GFM1: variants seen among roughly 807,000 people sequenced by gnomAD.
GFM1 encodes the protein G elongation factor mitochondrial 1.
A neutral mutation model predicts 96.2 loss-of-function variants in GFM1; 62 were observed. The observed-to-expected ratio is 0.64, with a 90% CI of 0.53 to 0.80. The LOEUF is 0.80. Among genes scored for constraint, GFM1 ranks in the 30% least tolerant of loss-of-function variants. GFM1 has a pLI of 0.00. For synonymous variants in GFM1, 282 were observed against 312.9 expected, an observed-to-expected ratio of 0.90 and a Z score of 1.04; for missense variants, 852 against 916.6, an observed-to-expected ratio of 0.93 and a Z score of 0.91.
chr3:158,659,852 G>C (rs1413430534), intron 9 of GFM1, among the ~76,000 whole-genome samples: 1 of 152,202 alleles, frequency 6.6e-6, no homozygotes, highest in Non-Finnish European at 1.5e-5. Context: ...CGACAGCGTT[G>C]CTGTTTTGTG....
intron 4 of GFM1, among the ~76,000 whole-genome samples, chr3:158,647,774 T>C (rs1263039729): frequency 6.6e-6 from 1 of 152,196 alleles, no homozygotes; most frequent in Non-Finnish European, 1.5e-5. Flanking sequence ...TGGTCTTTTT[T>C]CCCCAAATCT....
At chr3:158,646,657 G>A in intron 3 of GFM1, 86 bp from the exon 4 acceptor site, 1 of 1,099,078 alleles carries the variant, frequency 9.1e-7, no homozygotes, top group Non-Finnish European at 1.4e-6. Context: ...CTTATGTGAT[G>A]AGCAGAGATA....
chr3:158,657,178 G>T (rs1217836353), intron 8 of GFM1: 1 of 152,012 alleles, frequency 6.6e-6, no homozygotes, highest in South Asian at 2.1e-4. Context: ...ATATTTTACA[G>T]TATATTTATT....
In GFM1 at chr3:158,694,205, T is replaced by C. The variant is rs922244618; in HGVS notation, c.*2738T>C. ...AAATGCCTATCACTGATAGACTGGA[T>C]AAAGAAAATGTGGTACATACACATT... On this transcript the variant is annotated 3_prime_UTR_variant, in exon 18 of 18. Transcript: ENST00000486715. Among the ~76,000 whole-genome samples the C allele has an allele frequency of 5.3e-5, 8 of 151,940 alleles. No homozygotes were observed. The highest frequency in any genetic ancestry group is 1.5e-4 in the African/African-American group (6 of 41,348).
At position 158,691,631 on chromosome 3, in the gene GFM1, C is replaced by A. The variant is rs924668466; in HGVS notation, c.*164C>A. On this transcript the variant is annotated 3_prime_UTR_variant, in exon 18 of 18. Coordinates refer to ENST00000486715, the MANE Select transcript of GFM1 (RefSeq NM_024996.7). ...AGCCCTTCTTGTTCATATTCAGGAG[C>A]TTCTGTTATATTCAAAGGTAATTCT... is the stretch of plus-strand genomic sequence containing the variant. 54 of 656,826 alleles carry A rather than the reference C, an allele frequency of 8.2e-5. No individual in the cohort carries two copies. In the Middle Eastern group the frequency reaches 1.7e-3, roughly 21 times the overall value. 40.7% of individuals were successfully genotyped at this position (656,826 alleles called of 1,614,324 possible).
intron 11 of GFM1, 123 bp downstream of exon 11, chr3:158,662,807 T>A: frequency 1.4e-6 from 1 of 728,726 alleles, no homozygotes; most frequent in African/African-American, 1.8e-5. Context: ...TTTCCTCTGT[T>A]GGTATTGAGA....
At chr3:158,677,140 A>G (rs1395182627) in intron 13 of GFM1, among the ~76,000 whole-genome samples, 1 of 152,138 alleles carries the variant, frequency 6.6e-6, no homozygotes, top group Non-Finnish European at 1.5e-5. Flanking sequence ...ATGTTATTGT[A>G]ATTTATTTTG....
rs62288347 is a variant in GFM1 at position 158,690,243 on chromosome 3, G to A, written c.1990G>A (p.Val664Ile). 0.017 allele frequency: 28,183 copies of A among 1,613,648 alleles called. 331 individuals are homozygous for A. The highest frequency in any genetic ancestry group is 0.019 in the Non-Finnish European group (22,115 of 1,179,712). The change falls in exon 16 of 18, where the codon GTA becomes ATA. Residue 664 changes from valine (V) to isoleucine (I), a missense_variant. Transcript: ENST00000486715. ...AGCTCCAAATGAATTTCAGGGACAA[G>A]TAATTGCAGGAATTAACCGACGCCA... The part of the protein sequence containing the change: ...VVAPNEFQGQ[V>I]IAGINRRHGV...
chr3:158,685,583 G>A (rs62288307), intron 15 of GFM1, among the ~76,000 whole-genome samples: 26,917 of 152,060 alleles, frequency 0.18, 2,462 homozygotes, highest in Non-Finnish European at 0.22. Flanking sequence ...GTCACACTTC[G>A]CATCTGTGAT....
chr3:158,653,349 C>A lies in GFM1; in HGVS notation c.880C>A (p.Pro294Thr). ...AGCTACTCTGAAAAGATCATTTACT[C>A]CTGTATTTTTGGGAAGCGCCTTGAA... ...RRATLKRSFT[P>T]VFLGSALKNK... Residue 294 changes from proline to threonine, a missense_variant, in exon 7 of 18, where the codon CCT becomes ACT. Physicochemically the swap from Pro to Thr is conservative, Grantham distance 38. Coordinates refer to ENST00000486715, the MANE Select transcript of GFM1 (RefSeq NM_024996.7). 1 of 1,613,682 alleles carries A rather than the reference C, an allele frequency of 6.2e-7. No individual in the cohort carries two copies. The highest frequency in any genetic ancestry group is 8.5e-7 in the Non-Finnish European group (1 of 1,179,706).
At chr3:158,677,466 C>T (rs1051969868) in intron 13 of GFM1, among the ~76,000 whole-genome samples, 1 of 152,172 alleles carries the variant, frequency 6.6e-6, no homozygotes, top group Non-Finnish European at 1.5e-5. Flanking sequence ...CTCCTAAGAT[C>T]GTTGATGATG....
Position 158,660,967 on chromosome 3 carries a change from C to T in GFM1, c.1315C>T (p.Leu439Phe). The T allele has an allele frequency of 6.2e-7, 1 of 1,612,714 alleles. No individual in the cohort carries two copies. Among genetic ancestry groups the T allele is most frequent in the Non-Finnish European group, 8.5e-7 (1 of 1,178,752 alleles). ...DTFTDKANSGLSMESIHVPDP... is the reference protein window; with the variant it reads ...DTFTDKANSGFSMESIHVPDP... ...ATTCACAGACAAAGCCAACAGCGGC[C>T]TTTCTATGGTAAGCCATTTAATTTC... is the stretch of plus-strand genomic sequence containing the variant. The change falls in exon 10 of 18, where the codon CTT (leucine) becomes TTT (phenylalanine). Residue 439 changes from leucine (L) to phenylalanine (F), a missense_variant. Transcript: ENST00000486715.
At chr3:158,644,831 GGC>G (rs1721619530) in intron 1 of GFM1, 116 bp downstream of exon 1, 2 of 856,752 alleles carry the variant, frequency 2.3e-6, no homozygotes, top group African/African-American at 3.4e-5. Context: ...TCCGAATACT[GGC>G]AGTCGCTCGT....
chr3:158,669,256 T>C (rs1044031756), intron 13 of GFM1: 1 of 1,223,866 alleles, frequency 8.2e-7, no homozygotes, highest in Non-Finnish European at 1.1e-6. Context: ...TTAATTAAGC[T>C]ATGGATCTAT....
rs1249674256 is a variant in GFM1, at chr3:158,694,107, C to G, written c.*2640C>G. Among the ~76,000 whole-genome samples, 1 of 151,902 alleles carries G rather than the reference C, an allele frequency of 6.6e-6. No homozygotes were observed. The highest frequency in any genetic ancestry group is 1.5e-5 in the Non-Finnish European group (1 of 67,998). On this transcript the variant is annotated 3_prime_UTR_variant, in exon 18 of 18. Coordinates refer to ENST00000486715, the MANE Select transcript of GFM1 (RefSeq NM_024996.7). Reference sequence around the variant, plus strand: ...TATACCCAAAGGAACGTAAATCATTCTATTATAAAGACACATGCATGCACA... The same window carrying G: ...TATACCCAAAGGAACGTAAATCATTGTATTATAAAGACACATGCATGCACA...
At chr3:158,668,482 C>G (rs1723936682) in intron 13 of GFM1, among the ~76,000 whole-genome samples, 1 of 152,098 alleles carries the variant, frequency 6.6e-6, no homozygotes, top group South Asian at 2.1e-4. Flanking sequence ...TTCTGTCTTG[C>G]TGCTACTAAT....
rs1723979094 is a variant in GFM1 at position 158,668,846 on chromosome 3, A to G, written c.1601+2460A>G. The G allele has an allele frequency of 4.7e-6, 3 of 636,358 alleles. No homozygotes were observed. The East Asian group carries it at 9.8e-5, about 21-fold the overall frequency. 39.4% of individuals were successfully genotyped at this position (636,358 alleles called of 1,614,324 possible). A position where few individuals can be genotyped will look rare whatever the true frequency, so the allele number is the denominator to read the frequency against. Reference sequence around the variant, plus strand: ...TTCCTACAATTCTTCACCTTCTCTAATCTTGATTGTACCTGACCTCCCCTT... The same window carrying G: ...TTCCTACAATTCTTCACCTTCTCTAGTCTTGATTGTACCTGACCTCCCCTT... On this transcript the variant is annotated intron_variant, in intron 13 of 17. Transcript: ENST00000486715.
intron 1 of GFM1, 194 bp downstream of exon 1, chr3:158,644,909 A>G (rs1427508747): frequency 1.6e-6 from 1 of 610,458 alleles, no homozygotes; most frequent in Non-Finnish European, 3.0e-6. Context: ...GCTCTCTGGT[A>G]TCCCTAGGGT....
intron 13 of GFM1, among the ~76,000 whole-genome samples, chr3:158,667,912 G>A (rs996976460): frequency 3.9e-5 from 6 of 152,196 alleles, no homozygotes; most frequent in Non-Finnish European, 7.3e-5. Context: ...AAAACAGATA[G>A]TTTCAGTATG....
Sources: gnomAD v4.1 joint callset for allele counts (sites outside exome capture counted in the v4.1 genomes callset) on GRCh38, gnomAD v4.1.1 for gene constraint, MANE v1.5 for transcripts, NCBI Gene and HGNC (gene_info 2026-07-23, HGNC 2026-07-21) for gene names.